The following CPNE5 variants were observed in gnomAD, a reference collection of about 807,000 sequenced individuals.
The protein encoded by CPNE5 is copine 5.
Under a neutral mutation model 81.1 loss-of-function variants are expected in CPNE5, and 42 were observed. The ratio of observed to expected loss-of-function variants is 0.52; its 90% CI spans 0.40 to 0.67. The LOEUF (loss-of-function observed/expected upper bound fraction) is 0.67. Among genes scored for constraint, CPNE5 ranks in the 30% least tolerant of loss-of-function variants. CPNE5 has a pLI of 0.00. For synonymous variants in CPNE5, 313 were observed against 321.5 expected (o/e 0.97, Z 0.28); for missense variants, 612 against 815.5 (o/e 0.75, Z 3.04).
chr6:36,754,473 T>C (rs904301889), intron 13 of CPNE5: 9 of 152,338 alleles, frequency 5.9e-5, no homozygotes, highest in African/African-American at 1.7e-4. Context: ...CCCCAGGGGA[T>C]TCTGCACACC....
At chr6:36,761,873 A>G (rs236434) in intron 12 of CPNE5, among the ~76,000 whole-genome samples, 10,803 of 152,202 alleles carry the variant, frequency 0.071, 444 homozygotes, top group Middle Eastern at 0.19. Context: ...CAGACAAGAA[A>G]GCACGGGGAC....
At position 36,816,019 on chromosome 6, in the gene CPNE5, C is replaced by T. The variant is rs151336209; in HGVS notation, c.183+6095G>A. On this transcript the variant is annotated intron_variant, in intron 3 of 20. Coordinates refer to ENST00000244751, the MANE Select transcript of CPNE5 (RefSeq NM_020939.2). ...TAGAGGGGTTCCCTATCATGTCCCTCTTCCCAGTGGAAGCATTTCTGGGAC... is the reference window on the plus strand; with the variant it reads ...TAGAGGGGTTCCCTATCATGTCCCTTTTCCCAGTGGAAGCATTTCTGGGAC... 2.1e-3 allele frequency among the ~76,000 whole-genome samples: 316 copies of T among 152,378 alleles called. 1 individual carries two copies. Among genetic ancestry groups the T allele is most frequent in the East Asian group, 0.01 (53 of 5,194 alleles).
At chr6:36,838,863 AG>A (rs1561837599) in intron 1 of CPNE5, 1 of 392,194 alleles carries the variant, frequency 2.5e-6, no homozygotes, top group Non-Finnish European at 3.5e-6. Context: ...AGAAGAGAGG[AG>A]GGCACAGAAG....
chr6:36,797,201 C>G (rs565507441), intron 6 of CPNE5, among the ~76,000 whole-genome samples: 15 of 152,330 alleles, frequency 9.8e-5, no homozygotes, highest in Admixed American at 5.9e-4. Context: ...CCACCGTGCC[C>G]GGTTCACACT....
rs1343351286 is a variant in CPNE5, at chr6:36,765,327, C to T, written c.779+8G>A. 2.5e-6 allele frequency: 4 copies of T among 1,614,062 alleles called. No individual in the cohort carries two copies. The highest frequency in any genetic ancestry group is 2.2e-5 in the South Asian group (2 of 91,090). Reference sequence around the variant, plus strand: ...CACCTTCTCGCCCCTGCCCTCCTGCCTGCTTACCTGCCGTCCCGATCCCAG... The same window carrying T: ...CACCTTCTCGCCCCTGCCCTCCTGCTTGCTTACCTGCCGTCCCGATCCCAG... On this transcript the variant is annotated splice_region_variant and intron_variant, in intron 11 of 20. Coordinates refer to ENST00000244751, the MANE Select transcript of CPNE5 (RefSeq NM_020939.2).
intron 1 of CPNE5, among the ~76,000 whole-genome samples, chr6:36,828,139 A>T (rs1458255250): frequency 6.6e-6 from 1 of 151,946 alleles, no homozygotes; most frequent in East Asian, 1.9e-4. Flanking sequence ...GTGCTAAAGG[A>T]GGGGCCACAG....
In CPNE5 at chr6:36,742,180, G is replaced by T; in HGVS notation, c.*88C>A. 2 of 1,056,364 alleles carry T rather than the reference G, an allele frequency of 1.9e-6. No homozygotes were observed. Among genetic ancestry groups the T allele is most frequent in the Non-Finnish European group, 2.7e-6 (2 of 736,838 alleles). The allele number at this position is 1,056,364 out of a possible 1,614,324, so 65.4% of individuals were successfully genotyped here. On this transcript the variant is annotated 3_prime_UTR_variant, in exon 21 of 21. Transcript: ENST00000244751. ...GGCACACAGATGTCCCAAAGGCCGG[G>T]CAGGCCAACTTCGGGGAGTCTGGGG...
chr6:36,811,959 C>T (rs763230432), intron 3 of CPNE5, among the ~76,000 whole-genome samples: 5 of 152,084 alleles, frequency 3.3e-5, no homozygotes, highest in Non-Finnish European at 5.9e-5. Context: ...CAAAAATTAG[C>T]TGGGGGTGGT....
chr6:36,759,059 G>A (rs560016921), intron 12 of CPNE5, among the ~76,000 whole-genome samples: 2 of 152,312 alleles, frequency 1.3e-5, no homozygotes, highest in East Asian at 3.9e-4. Context: ...TTGAACTATC[G>A]GAATGGACAG....
chr6:36,822,952 C>A, intron 2 of CPNE5, 106 bp downstream of exon 2: 1 of 917,064 alleles, frequency 1.1e-6, no homozygotes, highest in Non-Finnish European at 1.6e-6. Context: ...CTTTGAACGG[C>A]GCCTGGCACA....
At chr6:36,743,785 G>A (rs9380594) in intron 19 of CPNE5, 23 bp from the exon 20 acceptor site, 2 of 1,603,544 alleles carry the variant, frequency 1.2e-6, no homozygotes, top group Middle Eastern at 1.7e-4. Context: ...GAGTGTCATG[G>A]GGCGGGGTGA....
rs1764189600 is a variant in CPNE5, at chr6:36,746,558, T to C, written c.1038A>G (p.Thr346=). The part of the protein sequence containing the change: ...TASNGNPSQS[T]SLHYMSPYQL... ...GGTAGGGGCTCATGTAGTGCAGGGA[T>C]GTGGACTGTGAGGGGTTCCCTGTAA... Residue 346 remains threonine, a synonymous_variant, in exon 16 of 21, where the codon ACA becomes ACG. Coordinates refer to ENST00000244751, the MANE Select transcript of CPNE5 (RefSeq NM_020939.2). This position sits in a 1 kb window ranked among gnomAD's most constrained non-coding sequence, Gnocchi z 4.5. 3 of 1,612,346 alleles carry C rather than the reference T, an allele frequency of 1.9e-6. No individual in the cohort carries two copies. The highest frequency in any genetic ancestry group is 2.5e-6 in the Non-Finnish European group (3 of 1,179,118).
At chr6:36,758,728 G>A (rs1765733368) in intron 12 of CPNE5, among the ~76,000 whole-genome samples, 1 of 152,164 alleles carries the variant, frequency 6.6e-6, no homozygotes. Flanking sequence ...GAGAGAGGGA[G>A]GGGTTGGGGT....
At chr6:36,760,853 G>C (rs566692187) in intron 12 of CPNE5, among the ~76,000 whole-genome samples, 1 of 152,300 alleles carries the variant, frequency 6.6e-6, no homozygotes, top group Non-Finnish European at 1.5e-5. Flanking sequence ...GCTGGAGCCT[G>C]TTCCCTTTTC....
At chr6:36,827,906 C>G (rs1561827706) in intron 1 of CPNE5, 1 of 239,552 alleles carries the variant, frequency 4.2e-6, no homozygotes, top group Admixed American at 6.5e-5. Flanking sequence ...TACAACCCTT[C>G]CGCTGTCTGC....
chr6:36,809,023 G>T (rs236393), intron 3 of CPNE5, among the ~76,000 whole-genome samples: 46,607 of 151,962 alleles, frequency 0.31, 7,965 homozygotes, highest in African/African-American at 0.44. Context: ...ACAGTTTTCA[G>T]CCCTGTAGTT....
intron 7 of CPNE5, among the ~76,000 whole-genome samples, chr6:36,793,430 C>T (rs1212180478): frequency 6.6e-6 from 1 of 152,182 alleles, no homozygotes; most frequent in African/African-American, 2.4e-5. Flanking sequence ...TCTGGTCCTC[C>T]ATGGTAGTAA....
At chr6:36,759,678 T>C (rs919396907) in intron 12 of CPNE5, among the ~76,000 whole-genome samples, 2 of 151,784 alleles carry the variant, frequency 1.3e-5, no homozygotes, top group African/African-American at 4.8e-5. Flanking sequence ...GGACACAACT[T>C]CCTGGAGGAG....
intron 9 of CPNE5, among the ~76,000 whole-genome samples, chr6:36,777,348 T>C (rs1217988312): frequency 6.6e-6 from 1 of 151,962 alleles, no homozygotes; most frequent in Non-Finnish European, 1.5e-5. Flanking sequence ...GGCTCTCCCT[T>C]TCCCCGCACC....
Sources: gnomAD v4.1 joint callset for allele counts (sites outside exome capture counted in the v4.1 genomes callset) on GRCh38, gnomAD v4.1.1 for gene constraint, Gnocchi (gnomAD v3.1) non-coding constraint, MANE v1.5 for transcripts, NCBI Gene and HGNC (gene_info 2026-07-23, HGNC 2026-07-21) for gene names.